Variants in ATXN2 observed in about 807,000 individuals in gnomAD.
The protein encoded by ATXN2 is ataxin-2.
ATXN2 carries 37 observed loss-of-function variants against 138.6 expected under a neutral mutation model. That is an observed-to-expected ratio of 0.27 (90% CI 0.21 to 0.35). ATXN2 has a LOEUF of 0.35. Among genes scored for constraint, ATXN2 ranks in the 10% least tolerant of loss-of-function variants. ATXN2 has a pLI of 1.00. For synonymous variants in ATXN2, 549 were observed against 543.7 expected, an observed-to-expected ratio of 1.01 and a Z score of -0.13; for missense variants, 1,216 against 1,480.3, an observed-to-expected ratio of 0.82 and a Z score of 2.93.
chr12:111,484,261 C>T (rs1236418485), intron 18 of ATXN2, among the ~76,000 whole-genome samples: 1 of 150,916 alleles, frequency 6.6e-6, no homozygotes, highest in East Asian at 1.9e-4. Flanking sequence ...AATCAGATTT[C>T]AGATCAAAAA....
intron 5 of ATXN2, among the ~76,000 whole-genome samples, chr12:111,546,997 C>T (rs41500449): frequency 0.1 from 15,305 of 152,214 alleles, 2,568 homozygotes; most frequent in African/African-American, 0.35. Flanking sequence ...AACTTATTCA[C>T]TGTACCGTAA....
At chr12:111,570,772 C>T (rs187129436) in intron 1 of ATXN2, among the ~76,000 whole-genome samples, 181 of 152,350 alleles carry the variant, frequency 1.2e-3, no homozygotes, top group Non-Finnish European at 2.2e-3. Context: ...GCCTTCTCTA[C>T]TACACTGGGT....
intron 1 of ATXN2, among the ~76,000 whole-genome samples, chr12:111,570,004 C>T (rs1476439187): frequency 1.3e-5 from 2 of 152,146 alleles, no homozygotes; most frequent in African/African-American, 2.4e-5. Context: ...ACTTGAAATA[C>T]GATTAGTATG....
chr12:111,516,092 A>G lies in ATXN2; in HGVS notation c.1375+62T>C. ...ATGAAGAGGAAACTATTTTGTAATTATAAACTCACATAGGAGTTAAACAAA... is the reference window on the plus strand; with the variant it reads ...ATGAAGAGGAAACTATTTTGTAATTGTAAACTCACATAGGAGTTAAACAAA... On this transcript the variant is annotated intron_variant, in intron 10 of 24. Coordinates refer to ENST00000673436, the MANE Select transcript of ATXN2 (RefSeq NM_001372574.1). This position sits in a 1 kb window ranked among gnomAD's most constrained non-coding sequence, Gnocchi z 5.0. The G allele has an allele frequency of 7.0e-7, 1 of 1,432,782 alleles. No individual in the cohort carries two copies. The allele number at this position is 1,432,782 out of a possible 1,614,324, so 88.8% of individuals were successfully genotyped here.
chr12:111,528,155 T>C (rs1171241999), intron 5 of ATXN2, among the ~76,000 whole-genome samples: 1 of 152,196 alleles, frequency 6.6e-6, no homozygotes, highest in Non-Finnish European at 1.5e-5. Flanking sequence ...AAAGCATTTA[T>C]TTAGATAGAA....
chr12:111,569,216 GCTCT>G (rs1425881865), intron 1 of ATXN2, among the ~76,000 whole-genome samples: 1 of 151,994 alleles, frequency 6.6e-6, no homozygotes, highest in Non-Finnish European at 1.5e-5. Flanking sequence ...TGTGACTTCA[GCTCT>G]CTGTGTTTCA....
At chr12:111,518,166 G>A (rs1402639256) in intron 9 of ATXN2, 83 bp downstream of exon 9, 1 of 1,239,698 alleles carries the variant, frequency 8.1e-7, no homozygotes, top group African/African-American at 1.5e-5. Flanking sequence ...ATTCATATCA[G>A]TTATGTAAAC....
intron 5 of ATXN2, among the ~76,000 whole-genome samples, chr12:111,537,313 G>A (rs1378462943): frequency 2.0e-5 from 3 of 152,044 alleles, no homozygotes; most frequent in Non-Finnish European, 2.9e-5. Context: ...GGCCAGATGC[G>A]GTGGCTCATG....
intron 14 of ATXN2, among the ~76,000 whole-genome samples, chr12:111,507,477 C>T (rs967285431): frequency 1.3e-5 from 2 of 151,856 alleles, no homozygotes; most frequent in African/African-American, 2.4e-5. Flanking sequence ...GCAGCCAACC[C>T]GTCCGGGAGG....
At chr12:111,568,176 G>A (rs780954310) in intron 1 of ATXN2, among the ~76,000 whole-genome samples, 6 of 151,866 alleles carry the variant, frequency 4.0e-5, no homozygotes, top group Non-Finnish European at 5.9e-5. Context: ...CAGGAGAATC[G>A]CTTGAACCCA....
At chr12:111,479,599 G>C (rs1877074059) in intron 18 of ATXN2, among the ~76,000 whole-genome samples, 1 of 152,058 alleles carries the variant, frequency 6.6e-6, no homozygotes, top group Non-Finnish European at 1.5e-5. Context: ...TTACTACACT[G>C]TTTAGGACAC....
intron 1 of ATXN2, among the ~76,000 whole-genome samples, chr12:111,592,317 G>A (rs1411838392): frequency 6.6e-6 from 1 of 151,834 alleles, no homozygotes; most frequent in Non-Finnish European, 1.5e-5. Flanking sequence ...CTTGAACCTG[G>A]GAGGCGGAGG....
chr12:111,477,180 T>TAAAAAAA (rs57940846), intron 18 of ATXN2, among the ~76,000 whole-genome samples: 3 of 121,666 alleles, frequency 2.5e-5, no homozygotes, highest in Non-Finnish European at 1.7e-5. Flanking sequence ...CTGTCTCTAC[T>TAAAAAAA]AAAAAAAAAA....
Position 111,567,228 on chromosome 12 carries a change from G to A in ATXN2, c.252-11309C>T, listed in dbSNP as rs148545525. Among the ~76,000 whole-genome samples the A allele has an allele frequency of 5.8e-4, 88 of 152,244 alleles. 1 individual carries two copies. The East Asian group carries it at 0.014, about 25-fold the overall frequency. ...TGAATATTCCAGAAACAGGCCGGGC[G>A]TGGTGGCTCACACTTGTAATCCCAG... On this transcript the variant is annotated intron_variant, in intron 1 of 24. Coordinates refer to ENST00000673436, the MANE Select transcript of ATXN2 (RefSeq NM_001372574.1).
intron 1 of ATXN2, among the ~76,000 whole-genome samples, chr12:111,593,044 G>C (rs772754688): frequency 6.6e-6 from 1 of 151,946 alleles, no homozygotes; most frequent in Non-Finnish European, 1.5e-5. Context: ...TAACACGGCT[G>C]TAGCTATTTA....
At position 111,545,090 on chromosome 12, in the gene ATXN2, C is replaced by T. The variant is rs1305263113; in HGVS notation, c.571+7190G>A. Reference sequence around the variant, plus strand: ...AGGAGAATGGCGTGAACCCGGGAGGCGGAGCTTGCAGTGAGCCAAGATAGT... The same window carrying T: ...AGGAGAATGGCGTGAACCCGGGAGGTGGAGCTTGCAGTGAGCCAAGATAGT... On this transcript the variant is annotated intron_variant, in intron 5 of 24. Coordinates refer to ENST00000673436, the MANE Select transcript of ATXN2 (RefSeq NM_001372574.1). Among the ~76,000 whole-genome samples, 3 of 151,828 alleles carry T rather than the reference C, an allele frequency of 2.0e-5. No homozygotes were observed. The East Asian group carries it at 5.8e-4, about 29-fold the overall frequency.
chr12:111,551,073 C>T (rs921139313), intron 5 of ATXN2, among the ~76,000 whole-genome samples: 1 of 151,970 alleles, frequency 6.6e-6, no homozygotes, highest in Admixed American at 6.6e-5. Flanking sequence ...CCGAGGCGGG[C>T]GGATCACGAG....
chr12:111,532,915 T>C (rs1880920402), intron 5 of ATXN2, among the ~76,000 whole-genome samples: 1 of 149,582 alleles, frequency 6.7e-6, no homozygotes, highest in African/African-American at 2.5e-5. Context: ...CTGGAAACCC[T>C]ACATTCCTAA....
chr12:111,492,519 T>C (rs1316326278), intron 14 of ATXN2, among the ~76,000 whole-genome samples: 1 of 152,036 alleles, frequency 6.6e-6, no homozygotes, highest in Non-Finnish European at 1.5e-5. Flanking sequence ...CCATATTTAC[T>C]AAAAATACAA....
Sources: gnomAD v4.1 joint callset for allele counts (sites outside exome capture counted in the v4.1 genomes callset) on GRCh38, gnomAD v4.1.1 for gene constraint, Gnocchi (gnomAD v3.1) non-coding constraint, MANE v1.5 for transcripts, NCBI Gene and HGNC (gene_info 2026-07-23, HGNC 2026-07-21) for gene names.